The following NTM variants were observed in gnomAD, a reference collection of about 807,000 sequenced individuals.
NTM encodes neurotrimin, also known as IgLON family member 2.
A neutral mutation model predicts 42.1 loss-of-function variants in NTM; 13 were observed. The ratio of observed to expected loss-of-function variants is 0.31; its 90% CI spans 0.20 to 0.49. NTM has a LOEUF of 0.49. Ranked by LOEUF, NTM falls within the 20% of genes least tolerant of loss-of-function variation. NTM has a pLI of 0.99. For missense variants in NTM, 373 were observed against 452.8 expected, an observed-to-expected ratio of 0.82 and a Z score of 1.60; for synonymous variants, 187 against 179.2, an observed-to-expected ratio of 1.04 and a Z score of -0.35.
At chr11:131,459,225 T>C (rs1951165232) in intron 1 of NTM, among the ~76,000 whole-genome samples, 1 of 152,232 alleles carries the variant, frequency 6.6e-6, no homozygotes, top group Non-Finnish European at 1.5e-5. Flanking sequence ...CCTCTTGCTC[T>C]CACCAGCAAG....
At chr11:131,862,548 T>C (rs2046751755) in intron 1 of NTM, among the ~76,000 whole-genome samples, 1 of 152,210 alleles carries the variant, frequency 6.6e-6, no homozygotes. Flanking sequence ...TCGAGGGTTG[T>C]TTTTTATTTT....
chr11:131,403,162 C>T (rs1945433065), intron 1 of NTM, among the ~76,000 whole-genome samples: 1 of 152,210 alleles, frequency 6.6e-6, no homozygotes, highest in Non-Finnish European at 1.5e-5. Flanking sequence ...ACAATCCAGT[C>T]ACAGACAGAC....
At chr11:132,230,579 A>G (rs2087320960) in intron 4 of NTM, among the ~76,000 whole-genome samples, 1 of 152,214 alleles carries the variant, frequency 6.6e-6, no homozygotes, top group African/African-American at 2.4e-5. Context: ...ACCACTCTCC[A>G]AGCAGCCGCG....
chr11:132,172,084 T>A (rs1443034028), intron 3 of NTM, among the ~76,000 whole-genome samples: 8 of 152,180 alleles, frequency 5.3e-5, no homozygotes, highest in Non-Finnish European at 1.0e-4. Flanking sequence ...GAACAACAAG[T>A]CAGACTGCCT....
At chr11:131,815,937 G>A (rs2092934233) in intron 1 of NTM, among the ~76,000 whole-genome samples, 1 of 152,164 alleles carries the variant, frequency 6.6e-6, no homozygotes, top group Non-Finnish European at 1.5e-5. Context: ...CTTGTGAGCT[G>A]GGGAAACTGG....
chr11:131,943,359 G>A (rs1405805746), intron 2 of NTM, among the ~76,000 whole-genome samples: 1 of 152,246 alleles, frequency 6.6e-6, no homozygotes, highest in Non-Finnish European at 1.5e-5. Context: ...GGTGGCTAGA[G>A]GTCAGTCCCA....
At chr11:131,747,542 G>A (rs1175765296) in intron 1 of NTM, among the ~76,000 whole-genome samples, 1 of 152,132 alleles carries the variant, frequency 6.6e-6, no homozygotes, top group Non-Finnish European at 1.5e-5. Flanking sequence ...CCATACCCCT[G>A]AAATCATCTT....
intron 1 of NTM, among the ~76,000 whole-genome samples, chr11:131,513,491 A>G (rs180995419): frequency 6.6e-6 from 1 of 152,328 alleles, no homozygotes; most frequent in Admixed American, 6.5e-5. Flanking sequence ...TGAGCCTGTG[A>G]CATGAGGGGA....
chr11:132,178,132 C>A (rs933331653), intron 3 of NTM, among the ~76,000 whole-genome samples: 1 of 152,092 alleles, frequency 6.6e-6, no homozygotes, highest in Non-Finnish European at 1.5e-5. Flanking sequence ...TCTTAGATAA[C>A]GTGAAGTCCA....
Position 132,059,095 on chromosome 11 carries a change from T to G in NTM, c.168-87187T>G, listed in dbSNP as rs189012135. On this transcript the variant is annotated intron_variant, in intron 2 of 8. Coordinates refer to ENST00000683400, the MANE Select transcript of NTM (RefSeq NM_001352005.2). ...AAAGAAACCCCACTCTGGTGCTTTC[T>G]CCCTTCTTCCATTCCTGCCTTGACC... 6.4e-3 allele frequency among the ~76,000 whole-genome samples: 981 copies of G among 152,342 alleles called. 7 individuals carry two copies. Among genetic ancestry groups the G allele is most frequent in the African/African-American group, 0.022 (933 of 41,570 alleles).
At chr11:132,199,958 T>G (rs1566452481) in intron 3 of NTM, among the ~76,000 whole-genome samples, 1 of 152,266 alleles carries the variant, frequency 6.6e-6, no homozygotes, top group South Asian at 2.1e-4. Flanking sequence ...GAAGTCATGT[T>G]GAAACTTCTC....
At chr11:131,884,448 C>A (rs2137346192) in intron 1 of NTM, among the ~76,000 whole-genome samples, 1 of 152,210 alleles carries the variant, frequency 6.6e-6, no homozygotes, top group South Asian at 2.1e-4. Context: ...AACAGCAACA[C>A]TAAAAAGTTA....
At chr11:131,754,969 T>C (rs1269006701) in intron 1 of NTM, among the ~76,000 whole-genome samples, 4 of 152,190 alleles carry the variant, frequency 2.6e-5, no homozygotes. Flanking sequence ...ATTCCATTTT[T>C]ATGAAATTCT....
chr11:131,832,530 T>C (rs2042949684), intron 1 of NTM, among the ~76,000 whole-genome samples: 1 of 152,218 alleles, frequency 6.6e-6, no homozygotes, highest in Non-Finnish European at 1.5e-5. Context: ...TTTGTTGTGA[T>C]AAATCCCAGT....
At chr11:131,696,103 G>C (rs993821744) in intron 1 of NTM, among the ~76,000 whole-genome samples, 1 of 152,156 alleles carries the variant, frequency 6.6e-6, no homozygotes, top group Non-Finnish European at 1.5e-5. Flanking sequence ...AAAGGGAGCC[G>C]GCCCCCAGGG....
At chr11:131,561,713 G>GCA (rs10653363) in intron 1 of NTM, among the ~76,000 whole-genome samples, 96,974 of 151,954 alleles carry the variant, frequency 0.64, 32,841 homozygotes, top group African/African-American at 0.89. Context: ...TATTCCCACC[G>GCA]CAGAGACACA....
chr11:131,858,697 G>T (rs944840337), intron 1 of NTM, among the ~76,000 whole-genome samples: 2 of 152,352 alleles, frequency 1.3e-5, no homozygotes, highest in East Asian at 1.9e-4. Flanking sequence ...TCTGCAGCAC[G>T]TTGAGCCGCA....
intron 1 of NTM, among the ~76,000 whole-genome samples, chr11:131,730,228 A>G (rs919553303): frequency 1.2e-4 from 18 of 152,224 alleles, no homozygotes; most frequent in Admixed American, 6.5e-5. Flanking sequence ...AGCCATTTGC[A>G]TATCTTTAGC....
chr11:131,947,126 TA>T (rs2060430854), intron 2 of NTM, among the ~76,000 whole-genome samples: 1 of 152,220 alleles, frequency 6.6e-6, no homozygotes, highest in African/African-American at 2.4e-5. Context: ...CACTGGTAGT[TA>T]AAAAATGTCT....
Sources: gnomAD v4.1 joint callset for allele counts (sites outside exome capture counted in the v4.1 genomes callset) on GRCh38, gnomAD v4.1.1 for gene constraint, MANE v1.5 for transcripts, NCBI Gene and HGNC (gene_info 2026-07-23, HGNC 2026-07-21) for gene names.